The following RANBP2 variants were observed in gnomAD, a reference collection of about 807,000 sequenced individuals.
RANBP2 encodes the protein E3 SUMO-protein ligase RanBP2.
A neutral mutation model predicts 303.6 loss-of-function variants in RANBP2; 57 were observed. That is an observed-to-expected ratio of 0.19 (90% CI 0.15 to 0.23). RANBP2 has a LOEUF of 0.23. Among genes scored for constraint, RANBP2 ranks in the 10% least tolerant of loss-of-function variants. The pLI, the probability that RANBP2 is intolerant of heterozygous loss-of-function variation, is 1.00. For missense variants in RANBP2, 3,138 were observed against 3,780.8 expected (o/e 0.83, Z 4.46); for synonymous variants, 1,167 against 1,301.5 (o/e 0.90, Z 2.23).
the RANBP2 span, among the ~76,000 whole-genome samples, chr2:109,292,828 G>A: frequency 6.6e-6 from 1 of 152,186 alleles, no homozygotes; most frequent in African/African-American, 2.4e-5. Flanking sequence ...TGCCTCCCAG[G>A]TTAAAGCGAT....
chr2:109,188,063 C>T, the RANBP2 span, among the ~76,000 whole-genome samples: 1 of 152,328 alleles, frequency 6.6e-6, no homozygotes, highest in African/African-American at 2.4e-5. Context: ...ACCCCGTGAG[C>T]GTAGTGAGTG....
At chr2:109,019,836 G>T in the RANBP2 span, among the ~76,000 whole-genome samples, 1 of 152,120 alleles carries the variant, frequency 6.6e-6, no homozygotes, top group Non-Finnish European at 1.5e-5. Flanking sequence ...CCCACTCTGG[G>T]GTCCGGGGAT....
chr2:109,395,629 C>T, the RANBP2 span, among the ~76,000 whole-genome samples: 4 of 152,354 alleles, frequency 2.6e-5, no homozygotes, highest in Admixed American at 2.6e-4. Context: ...GCTGTCTCCC[C>T]ACCCTCACTC....
At chr2:109,366,300 A>G in the RANBP2 span, among the ~76,000 whole-genome samples, 1 of 152,198 alleles carries the variant, frequency 6.6e-6, no homozygotes, top group Non-Finnish European at 1.5e-5. Context: ...TATCAAGTCC[A>G]CTAAGTAAAT....
the RANBP2 span, among the ~76,000 whole-genome samples, chr2:109,397,518 G>A: frequency 6.6e-6 from 1 of 152,174 alleles, no homozygotes; most frequent in Non-Finnish European, 1.5e-5. Flanking sequence ...CTTAGGCTGA[G>A]CCAAGTACAG....
the RANBP2 span, among the ~76,000 whole-genome samples, chr2:108,853,891 G>C: frequency 9.2e-6 from 1 of 108,710 alleles, no homozygotes; most frequent in Non-Finnish European, 1.8e-5. Flanking sequence ...ATATTATATA[G>C]TATATATATT....
At chr2:108,988,085 C>T in the RANBP2 span, among the ~76,000 whole-genome samples, 2 of 152,206 alleles carry the variant, frequency 1.3e-5, no homozygotes. Context: ...TCTCTCCGTA[C>T]GTCTCCTCAC....
chr2:109,017,372 CCT>C, the RANBP2 span, among the ~76,000 whole-genome samples: 2 of 152,250 alleles, frequency 1.3e-5, no homozygotes, highest in Non-Finnish European at 2.9e-5. Flanking sequence ...CTGGGCAGCC[CCT>C]GTCCCTGCTG....
the RANBP2 span, among the ~76,000 whole-genome samples, chr2:109,598,310 C>T: frequency 5.3e-5 from 8 of 151,922 alleles, no homozygotes; most frequent in Non-Finnish European, 8.8e-5. Flanking sequence ...TCAGGTGATC[C>T]GCCCACCTCA....
chr2:109,332,627 G>T, the RANBP2 span, among the ~76,000 whole-genome samples: 5 of 152,210 alleles, frequency 3.3e-5, no homozygotes, highest in African/African-American at 4.8e-5. Context: ...AGCCAGGGCT[G>T]CCCCGTGGGT....
intron 1 of RANBP2, among the ~76,000 whole-genome samples, chr2:108,726,023 T>G (rs1437925643): frequency 6.6e-6 from 1 of 152,206 alleles, no homozygotes; most frequent in African/African-American, 2.4e-5. Flanking sequence ...TCGTTGCTGG[T>G]ACAGTAGTCC....
chr2:109,194,503 G>A, the RANBP2 span, among the ~76,000 whole-genome samples: 2 of 152,216 alleles, frequency 1.3e-5, no homozygotes, highest in Admixed American at 6.5e-5. Flanking sequence ...TGGGTGGTGC[G>A]CATCTGAGGA....
At chr2:108,778,305 A>T (rs1678021076) in intron 25 of RANBP2, among the ~76,000 whole-genome samples, 1 of 152,224 alleles carries the variant, frequency 6.6e-6, no homozygotes, top group Admixed American at 6.5e-5. Flanking sequence ...TGTCATTTTT[A>T]TTCACCAAGC....
chr2:108,774,354 G>C (rs1472905045), intron 23 of RANBP2, among the ~76,000 whole-genome samples: 2 of 152,128 alleles, frequency 1.3e-5, no homozygotes, highest in African/African-American at 4.8e-5. Flanking sequence ...CAGCTATTTG[G>C]GAGGCTGAGT....
At chr2:108,773,376 G>C (rs1443644801) in intron 23 of RANBP2, among the ~76,000 whole-genome samples, 1 of 152,062 alleles carries the variant, frequency 6.6e-6, no homozygotes, top group Non-Finnish European at 1.5e-5. Flanking sequence ...GACCTAGAAT[G>C]TTCTTACCAA....
the RANBP2 span, among the ~76,000 whole-genome samples, chr2:109,140,698 ATT>A: frequency 1.4e-4 from 21 of 152,200 alleles, no homozygotes; most frequent in East Asian, 3.7e-3. Flanking sequence ...TGCTTTTTAG[ATT>A]TATGGGAAAT....
chr2:109,265,642 C>T, the RANBP2 span, among the ~76,000 whole-genome samples: 6 of 152,336 alleles, frequency 3.9e-5, no homozygotes, highest in South Asian at 2.1e-4. Flanking sequence ...AGGTGGCCAA[C>T]GCTGAAACAG....
the RANBP2 span, among the ~76,000 whole-genome samples, chr2:109,007,825 A>AAAAAC: frequency 7.2e-5 from 11 of 152,122 alleles, no homozygotes; most frequent in Non-Finnish European, 1.5e-5. Context: ...TGGAAATAGC[A>AAAAAC]AAAACAAAAC....
At chr2:109,205,629 A>G in the RANBP2 span, among the ~76,000 whole-genome samples, 108,799 of 152,086 alleles carry the variant, frequency 0.72, 39,322 homozygotes, top group East Asian at 0.9. Flanking sequence ...GGAGAAGGCC[A>G]CGGTGAGAAT....
Sources: allele counts gnomAD v4.1 joint callset (sites outside exome capture counted in the v4.1 genomes callset), GRCh38; gene constraint gnomAD v4.1.1; transcripts MANE v1.5; gene names NCBI Gene and HGNC (gene_info 2026-07-23, HGNC 2026-07-21).